CCSER2: variants seen among roughly 807,000 people sequenced by gnomAD.
The protein encoded by CCSER2 is coiled-coil serine rich protein 2.
A neutral mutation model predicts 92.3 loss-of-function variants in CCSER2; 46 were observed. The ratio of observed to expected loss-of-function variants is 0.50; its 90% CI spans 0.39 to 0.64. The LOEUF (loss-of-function observed/expected upper bound fraction) is 0.64, where lower values mean the gene tolerates loss of function less well. CCSER2 is among the 30% of genes least tolerant of loss of function. CCSER2 has a pLI of 0.00. For synonymous variants in CCSER2, 433 were observed against 431.4 expected (o/e 1.00, Z -0.04); for missense variants, 1,244 against 1,238.9 (o/e 1.00, Z -0.06).
chr10:84,359,208 A>G (rs924521472), intron 1 of CCSER2, among the ~76,000 whole-genome samples: 5 of 152,060 alleles, frequency 3.3e-5, no homozygotes, highest in Admixed American at 6.6e-5. Context: ...TTCAGGCATT[A>G]CTGTATCAAT....
At chr10:84,354,839 GCCCTCA>G in intron 1 of CCSER2, among the ~76,000 whole-genome samples, 1 of 151,118 alleles carries the variant, frequency 6.6e-6, no homozygotes, top group Middle Eastern at 3.4e-3. Flanking sequence ...CATAATGTTT[GCCCTCA>G]ATCAAAGGCA....
intron 5 of CCSER2, among the ~76,000 whole-genome samples, chr10:84,435,105 G>A (rs1443339317): frequency 6.6e-6 from 1 of 152,130 alleles, no homozygotes; most frequent in African/African-American, 2.4e-5. Flanking sequence ...TGAATCTCAT[G>A]GTGGAGGTAT....
At position 84,441,734 on chromosome 10, in the gene CCSER2, A is replaced by ATTTTTTTTTTTTTTTTTTTTTT. The variant is rs1564667385; in HGVS notation, c.2064+3028_2064+3029insTTTTTTTTTTTTTTTTTTTTTT. 6.6e-5 allele frequency among the ~76,000 whole-genome samples: 7 copies of ATTTTTTTTTTTTTTTTTTTTTT among 106,446 alleles called. 1 individual carries two copies. Among genetic ancestry groups the ATTTTTTTTTTTTTTTTTTTTTT allele is most frequent in the Middle Eastern group, 4.7e-3 (1 of 212 alleles). 69.8% of individuals were successfully genotyped at this position (106,446 alleles called of 152,430 possible). Reference sequence around the variant, plus strand: ...GGGAATAAAGTAGAAGACTGGGAAAATGTTTTTTTTTTTTTTTTTTTTTTT... The same window carrying ATTTTTTTTTTTTTTTTTTTTTT: ...GGGAATAAAGTAGAAGACTGGGAAAATTTTTTTTTTTTTTTTTTTTTTTGTTTTTTTTTTTTTTTTTTTTTTT... On this transcript the variant is annotated intron_variant, in intron 6 of 9. Transcript: ENST00000372088.
At chr10:84,506,141 TAAAA>T (rs3044062) in intron 9 of CCSER2, among the ~76,000 whole-genome samples, 1 of 145,918 alleles carries the variant, frequency 6.9e-6, no homozygotes, top group Non-Finnish European at 1.5e-5. Context: ...CTTTGATACT[TAAAA>T]AAAAAAAAAC....
chr10:84,427,927 C>G (rs904214845), intron 5 of CCSER2, among the ~76,000 whole-genome samples: 6 of 152,276 alleles, frequency 3.9e-5, no homozygotes, highest in African/African-American at 1.4e-4. Flanking sequence ...TTTTTGTCCT[C>G]ATTTCTCATT....
chr10:84,466,115 T>G (rs1351774551), intron 7 of CCSER2, among the ~76,000 whole-genome samples: 1 of 152,240 alleles, frequency 6.6e-6, no homozygotes, highest in African/African-American at 2.4e-5. Context: ...ATTCCTAGTC[T>G]TTCTTATTTA....
intron 6 of CCSER2, among the ~76,000 whole-genome samples, chr10:84,463,410 C>G (rs1023144771): frequency 2.6e-5 from 4 of 152,146 alleles, no homozygotes; most frequent in African/African-American, 9.7e-5. Context: ...ATTTCTAACA[C>G]CATAGATTAG....
rs1843387954 is a variant in CCSER2, at chr10:84,328,702, G to C, written c.-146G>C. 1 of 151,030 alleles carries C rather than the reference G, an allele frequency of 6.6e-6. No homozygotes were observed. Among genetic ancestry groups the C allele is most frequent in the Admixed American group, 6.6e-5 (1 of 15,168 alleles). 9.4% of individuals were successfully genotyped at this position (151,030 alleles called of 1,614,324 possible). On this transcript the variant is annotated 5_prime_UTR_variant, in exon 1 of 10. Coordinates refer to ENST00000372088, the MANE Select transcript of CCSER2 (RefSeq NM_001284240.2). Reference sequence around the variant, plus strand: ...TGCGGCTCGGGCGGCGGGGCTGGCGGGGATGTGACGGGCGGCCCTTCGTCT... The same window carrying C: ...TGCGGCTCGGGCGGCGGGGCTGGCGCGGATGTGACGGGCGGCCCTTCGTCT...
intron 3 of CCSER2, chr10:84,390,927 A>C: frequency 1.3e-6 from 1 of 752,232 alleles, no homozygotes; most frequent in South Asian, 1.4e-5. Flanking sequence ...AGGCTTGTAC[A>C]GCACCTGTTA....
intron 9 of CCSER2, among the ~76,000 whole-genome samples, chr10:84,504,981 G>A (rs1330658121): frequency 6.6e-6 from 1 of 151,932 alleles, no homozygotes; most frequent in Admixed American, 6.5e-5. Context: ...ATGTACATTT[G>A]TCCTATTTAT....
chr10:84,499,792 A>C lies in CCSER2; in HGVS notation c.2326-13657A>C, dbSNP rs915308827. On this transcript the variant is annotated intron_variant, in intron 9 of 9. Transcript: ENST00000372088. The stretch of plus-strand genomic sequence containing the variant: ...ACACTATTGCTCTGTGTTATTTAAA[A>C]GTAAAACAAAGTATGACTTGGTTTC... 6.5e-6 allele frequency: 9 copies of C among 1,390,786 alleles called. No homozygotes were observed. In the African/African-American group the frequency reaches 1.3e-4, roughly 20 times the overall value. 86.2% of individuals were successfully genotyped at this position (1,390,786 alleles called of 1,614,324 possible). A position where few individuals can be genotyped will look rare whatever the true frequency, so the allele number is the denominator to read the frequency against.
chr10:84,343,428 C>T (rs1589396450), intron 1 of CCSER2, among the ~76,000 whole-genome samples: 1 of 152,004 alleles, frequency 6.6e-6, no homozygotes, highest in South Asian at 2.1e-4. Context: ...TATAAGAAGC[C>T]CCGTCAGTGT....
At chr10:84,336,999 C>T (rs1468768367) in intron 1 of CCSER2, among the ~76,000 whole-genome samples, 2 of 152,000 alleles carry the variant, frequency 1.3e-5, no homozygotes, top group Non-Finnish European at 2.9e-5. Flanking sequence ...TGGGTAAGAG[C>T]GCAGAAGAAG....
At chr10:84,410,019 G>A (rs1842571373) in intron 3 of CCSER2, among the ~76,000 whole-genome samples, 1 of 152,032 alleles carries the variant, frequency 6.6e-6, no homozygotes, top group Admixed American at 6.5e-5. Context: ...TGCGGTCTTT[G>A]GTTTTCTGTT....
chr10:84,346,706 C>CTGATGGAAG (rs1844498054), intron 1 of CCSER2, among the ~76,000 whole-genome samples: 1 of 151,490 alleles, frequency 6.6e-6, no homozygotes, highest in African/African-American at 2.4e-5. Context: ...CATGCTACTT[C>CTGATGGAAG]ATGGGAGATG....
rs1841412542 is a variant in CCSER2, at chr10:84,389,589, C to T, written c.1614+15774C>T. ...ACCTCGATACACCTCAGATACACAA[C>T]TTTGATCTCAAAGCTGGGGTGGAAC... On this transcript the variant is annotated intron_variant, in intron 3 of 9. Coordinates refer to ENST00000372088, the MANE Select transcript of CCSER2 (RefSeq NM_001284240.2). 8 of 198,362 alleles carry T rather than the reference C, an allele frequency of 4.0e-5. No homozygotes were observed. In the South Asian group the frequency reaches 5.2e-4, roughly 13 times the overall value. 12.3% of individuals were successfully genotyped at this position (198,362 alleles called of 1,614,324 possible). A position where few individuals can be genotyped will look rare whatever the true frequency, so the allele number is the denominator to read the frequency against.
At chr10:84,449,032 G>GC (rs1446156716) in intron 6 of CCSER2, among the ~76,000 whole-genome samples, 1 of 152,182 alleles carries the variant, frequency 6.6e-6, no homozygotes, top group Non-Finnish European at 1.5e-5. Context: ...TTGGGATAAT[G>GC]CTGAATCTCT....
chr10:84,501,819 A>AG (rs1233024055), intron 9 of CCSER2, among the ~76,000 whole-genome samples: 24 of 85,948 alleles, frequency 2.8e-4, no homozygotes, highest in Non-Finnish European at 4.1e-4. Flanking sequence ...TTAGTCATCT[A>AG]GGGAAAAAAA....
rs917661585 is a variant in CCSER2 at position 84,513,780 on chromosome 10, C to T, written c.2657C>T (p.Thr886Ile). 5 of 1,536,468 alleles carry T rather than the reference C, an allele frequency of 3.3e-6. No homozygotes were observed. Among genetic ancestry groups the T allele is most frequent in the Non-Finnish European group, 4.4e-6 (5 of 1,146,920 alleles). The part of the protein sequence containing the change: ...NQISDMQFIP[T>I]SLQTPPESST... ...ATTAGTGACATGCAGTTTATACCCACTTCTCTTCAGACACCTCCCGAGTCA... is the reference window on the plus strand; with the variant it reads ...ATTAGTGACATGCAGTTTATACCCATTTCTCTTCAGACACCTCCCGAGTCA... Residue 886 changes from threonine to isoleucine, a missense_variant, in exon 10 of 10, where the codon ACT becomes ATT. Transcript: ENST00000372088.
Sources: allele counts gnomAD v4.1 joint callset (sites outside exome capture counted in the v4.1 genomes callset), GRCh38; gene constraint gnomAD v4.1.1; transcripts MANE v1.5; gene names NCBI Gene and HGNC (gene_info 2026-07-23, HGNC 2026-07-21).